PDCD5: variants seen among roughly 807,000 people sequenced by gnomAD.
PDCD5 encodes the protein programmed cell death 5.
PDCD5 carries 23 observed loss-of-function variants against 21.9 expected under a neutral mutation model. That is an observed-to-expected ratio of 1.05 (90% CI 0.76 to 1.49). PDCD5 has a LOEUF of 1.49. Among genes scored for constraint, PDCD5 ranks in the 40% most tolerant of loss-of-function variants. PDCD5 has a pLI of 0.00. For synonymous variants in PDCD5, 45 were observed against 49.4 expected (o/e 0.91, Z 0.37); for missense variants, 152 against 147.7 (o/e 1.03, Z -0.15).
rs1419868971 is a variant in PDCD5, at chr19:32,585,024, G to A, written c.166+13G>A. The A allele has an allele frequency of 1.2e-6, 2 of 1,605,370 alleles. No individual in the cohort carries two copies. Among genetic ancestry groups the A allele is most frequent in the East Asian group, 2.2e-5 (1 of 44,850 alleles). ...GCCCGGGCCAGGTGTAAGCATCTTT[G>A]ATTTCATTTCCATAAAGTTAGCTTG... On this transcript the variant is annotated intron_variant, in intron 3 of 5. Coordinates refer to ENST00000590247, the MANE Select transcript of PDCD5 (RefSeq NM_004708.4).
In PDCD5 at chr19:32,581,195, T is replaced by G; in HGVS notation, c.-67T>G. 1 of 1,232,234 alleles carries G rather than the reference T, an allele frequency of 8.1e-7. No individual in the cohort carries two copies. The highest frequency in any genetic ancestry group is 1.1e-6 in the Non-Finnish European group (1 of 919,020). The allele number at this position is 1,232,234 out of a possible 1,614,324, so 76.3% of individuals were successfully genotyped here. ...GGCCCCGCGAGCGCCTGCGCAGTGG[T>G]CAAGGCCGCGCTCGCGCCGAGGGGC... On this transcript the variant is annotated 5_prime_UTR_variant, in exon 1 of 6. Transcript: ENST00000590247.
intron 3 of PDCD5, 75 bp from the exon 4 acceptor site, chr19:32,585,741 A>G (rs149486614): frequency 1.5e-4 from 125 of 844,540 alleles, no homozygotes; most frequent in Middle Eastern, 1.2e-3. Flanking sequence ...GGAAAGGTCA[A>G]TGCATAGTTT....
At chr19:32,585,683 A>G (rs1416168597) in intron 3 of PDCD5, 133 bp from the exon 4 acceptor site, 3 of 633,706 alleles carry the variant, frequency 4.7e-6, no homozygotes, top group South Asian at 4.0e-5. Flanking sequence ...AAGAGGAGTA[A>G]CAATACTGTC....
intron 1 of PDCD5, 31 bp downstream of exon 1, chr19:32,581,358 C>A (rs1197667645): frequency 9.7e-6 from 14 of 1,449,362 alleles, no homozygotes; most frequent in Non-Finnish European, 1.3e-5. Flanking sequence ...CAGGCTTGGC[C>A]CTCGCGGGGC....
At chr19:32,587,074 T>G in intron 5 of PDCD5, 145 bp downstream of exon 5, 1 of 847,684 alleles carries the variant, frequency 1.2e-6, no homozygotes, top group Non-Finnish European at 1.9e-6. Context: ...AAAGGCTGAA[T>G]CTGTTGGGGG....
chr19:32,583,708 A>C (rs34040260), intron 2 of PDCD5, among the ~76,000 whole-genome samples: 42,117 of 151,836 alleles, frequency 0.28, 7,498 homozygotes, highest in Non-Finnish European at 0.39. Flanking sequence ...AAGCCTGTAG[A>C]CCCAGCTACT....
chr19:32,585,714 A>G lies in PDCD5; in HGVS notation c.167-102A>G. On this transcript the variant is annotated intron_variant, in intron 3 of 5. Coordinates refer to ENST00000590247, the MANE Select transcript of PDCD5 (RefSeq NM_004708.4). ...CTGTCTTGCCCTACACTGAGGGACA[A>G]GCTTGTGAAGTGCTTTGGAAAGGTC... 5 of 720,580 alleles carry G rather than the reference A, an allele frequency of 6.9e-6. No homozygotes were observed. In the South Asian group the frequency reaches 8.5e-5, roughly 12 times the overall value. The allele number at this position is 720,580 out of a possible 1,614,324, so 44.6% of individuals were successfully genotyped here.
At chr19:32,584,386 C>T (rs925185376) in intron 2 of PDCD5, among the ~76,000 whole-genome samples, 4 of 152,180 alleles carry the variant, frequency 2.6e-5, no homozygotes, top group African/African-American at 7.2e-5. Flanking sequence ...GTCCTGTGAA[C>T]GTGAACTACT....
In PDCD5 at chr19:32,581,192, TG is replaced by T; in HGVS notation, c.-68del. ...CTGGGCCCCGCGAGCGCCTGCGCAGTGGTCAAGGCCGCGCTCGCGCCGAGGG... is the reference window on the plus strand; with the variant it reads ...CTGGGCCCCGCGAGCGCCTGCGCAGTGTCAAGGCCGCGCTCGCGCCGAGGG... On this transcript the variant is annotated 5_prime_UTR_variant, in exon 1 of 6. Coordinates refer to ENST00000590247, the MANE Select transcript of PDCD5 (RefSeq NM_004708.4). 1.8e-6 allele frequency: 2 copies of T among 1,106,368 alleles called. No homozygotes were observed. Among genetic ancestry groups the T allele is most frequent in the Non-Finnish European group, 1.2e-6 (1 of 829,104 alleles). 68.5% of individuals were successfully genotyped at this position (1,106,368 alleles called of 1,614,324 possible). A position where few individuals can be genotyped will look rare whatever the true frequency, so the allele number is the denominator to read the frequency against.
At chr19:32,585,715 G>T in intron 3 of PDCD5, 101 bp from the exon 4 acceptor site, 1 of 722,990 alleles carries the variant, frequency 1.4e-6, no homozygotes, top group Non-Finnish European at 2.5e-6. Flanking sequence ...TGAGGGACAA[G>T]CTTGTGAAGT....
At position 32,586,222 on chromosome 19, in the gene PDCD5, T is replaced by G. The variant is rs75083136; in HGVS notation, c.258+315T>G. 8,611 of 1,440,878 alleles carry G rather than the reference T, an allele frequency of 6.0e-3. 449 individuals carry two copies. The African/African-American group carries it at 0.11, about 18-fold the overall frequency. The allele number at this position is 1,440,878 out of a possible 1,614,324, so 89.3% of individuals were successfully genotyped here. A position where few individuals can be genotyped will look rare whatever the true frequency, so the allele number is the denominator to read the frequency against. ...GTAACACCAATTAAAATACTACCAG[T>G]GTAAGTAGAAGGTGTGTTTTGCAGA... is the stretch of plus-strand genomic sequence containing the variant. On this transcript the variant is annotated intron_variant, in intron 4 of 5. Transcript: ENST00000590247.
rs984626582 is a variant in PDCD5 at position 32,586,770 on chromosome 19, CAA to C, written c.259-84_259-83del. ...CTTCCTGAGCTCTTTCCCCACACCT[CAA>C]AAAGAGTACAAAGTGATTCCATCTG... is the stretch of plus-strand genomic sequence containing the variant. On this transcript the variant is annotated intron_variant, in intron 4 of 5. Transcript: ENST00000590247. The C allele has an allele frequency of 7.3e-6, 11 of 1,503,958 alleles. No individual in the cohort carries two copies. The African/African-American group carries it at 9.9e-5, about 14-fold the overall frequency. The allele number at this position is 1,503,958 out of a possible 1,614,324, so 93.2% of individuals were successfully genotyped here. A position where few individuals can be genotyped will look rare whatever the true frequency, so the allele number is the denominator to read the frequency against.
chr19:32,581,341 C>G lies in PDCD5; in HGVS notation c.66+14C>G. The G allele has an allele frequency of 6.8e-7, 1 of 1,480,134 alleles. No individual in the cohort carries two copies. The allele number at this position is 1,480,134 out of a possible 1,614,324, so 91.7% of individuals were successfully genotyped here. ...GCCAAACACGGGGTGAGCGCATCAG[C>G]CCCCGCCAGGCTTGGCCCTCGCGGG... On this transcript the variant is annotated intron_variant, in intron 1 of 5. Coordinates refer to ENST00000590247, the MANE Select transcript of PDCD5 (RefSeq NM_004708.4).
intron 4 of PDCD5, 48 bp downstream of exon 4, chr19:32,585,955 A>G (rs1331370969): frequency 1.2e-6 from 2 of 1,614,140 alleles, no homozygotes; most frequent in East Asian, 4.5e-5. Context: ...TGCTTTATCA[A>G]AACATGGCTT....
intron 2 of PDCD5, among the ~76,000 whole-genome samples, chr19:32,582,835 C>T (rs1177393886): frequency 2.0e-5 from 3 of 152,196 alleles, no homozygotes; most frequent in East Asian, 1.9e-4. Context: ...CCTTCCTCAC[C>T]TTCTTACTCC....
chr19:32,585,085 C>G (rs1286507200), intron 3 of PDCD5, 74 bp downstream of exon 3: 2 of 1,007,192 alleles, frequency 2.0e-6, no homozygotes, highest in Non-Finnish European at 3.2e-6. Flanking sequence ...ACCATTATTG[C>G]TATCACTAGA....
chr19:32,585,756 G>T, intron 3 of PDCD5, 60 bp from the exon 4 acceptor site: 2 of 961,754 alleles, frequency 2.1e-6, no homozygotes, highest in Non-Finnish European at 3.4e-6. Flanking sequence ...TAGTTTTAAG[G>T]TATAACATAA....
At chr19:32,585,318 T>C (rs964702097) in intron 3 of PDCD5, among the ~76,000 whole-genome samples, 1 of 152,122 alleles carries the variant, frequency 6.6e-6, no homozygotes, top group Non-Finnish European at 1.5e-5. Context: ...TGATGGGGAC[T>C]GGGGATGGGG....
rs1599720692 is a variant in PDCD5, at chr19:32,581,216, G to A, written c.-46G>A. On this transcript the variant is annotated 5_prime_UTR_variant, in exon 1 of 6. Transcript: ENST00000590247. Reference sequence around the variant, plus strand: ...GTGGTCAAGGCCGCGCTCGCGCCGAGGGGCTGCGAGAGTGACCGCGGCTGC... The same window carrying A: ...GTGGTCAAGGCCGCGCTCGCGCCGAAGGGCTGCGAGAGTGACCGCGGCTGC... 2.8e-6 allele frequency: 4 copies of A among 1,403,810 alleles called. No homozygotes were observed. The highest frequency in any genetic ancestry group is 1.4e-5 in the South Asian group (1 of 72,632). 87.0% of individuals were successfully genotyped at this position (1,403,810 alleles called of 1,614,324 possible).
Sources: allele counts gnomAD v4.1 joint callset (sites outside exome capture counted in the v4.1 genomes callset), GRCh38; gene constraint gnomAD v4.1.1; transcripts MANE v1.5; gene names NCBI Gene and HGNC (gene_info 2026-07-23, HGNC 2026-07-21).